Variants in ZMAT3 observed in about 807,000 individuals in gnomAD.
The protein encoded by ZMAT3 is zinc finger matrin-type 3.
In ZMAT3, 17 loss-of-function variants were observed where a neutral mutation model predicts 32.3. The observed-to-expected ratio is 0.53, with a 90% CI of 0.36 to 0.79. The LOEUF (loss-of-function observed/expected upper bound fraction) is 0.79, where lower values mean the gene tolerates loss of function less well. Ranked by LOEUF, ZMAT3 falls within the 30% of genes least tolerant of loss-of-function variation. ZMAT3 has a pLI of 0.00. For missense variants in ZMAT3, 329 were observed against 359.7 expected, an observed-to-expected ratio of 0.91 and a Z score of 0.69; for synonymous variants, 120 against 133.1, an observed-to-expected ratio of 0.90 and a Z score of 0.68.
At chr3:179,052,559 AG>A (rs1720624887) in intron 2 of ZMAT3, among the ~76,000 whole-genome samples, 1 of 152,258 alleles carries the variant, frequency 6.6e-6, no homozygotes, top group African/African-American at 2.4e-5. Flanking sequence ...AATGTAAAAT[AG>A]TACAACCACC....
chr3:179,038,407 C>G (rs1272812592), intron 2 of ZMAT3, among the ~76,000 whole-genome samples: 1 of 151,964 alleles, frequency 6.6e-6, no homozygotes, highest in African/African-American at 2.4e-5. Context: ...ATGACAAAAC[C>G]CCATCTCTAA....
chr3:179,029,185 C>A (rs887399919), intron 3 of ZMAT3, among the ~76,000 whole-genome samples: 1 of 151,504 alleles, frequency 6.6e-6, no homozygotes, highest in Non-Finnish European at 1.5e-5. Flanking sequence ...GAAAGAAATT[C>A]TTGCTCCACC....
At chr3:179,039,797 G>A (rs1719815434) in intron 2 of ZMAT3, among the ~76,000 whole-genome samples, 1 of 152,172 alleles carries the variant, frequency 6.6e-6, no homozygotes, top group African/African-American at 2.4e-5. Context: ...AAAGGAGCAT[G>A]TTCGAACCCA....
chr3:179,051,164 G>A (rs1408009553), intron 2 of ZMAT3, among the ~76,000 whole-genome samples: 2 of 152,050 alleles, frequency 1.3e-5, no homozygotes, highest in Non-Finnish European at 2.9e-5. Context: ...AAGAAATAAA[G>A]GGCATCCAAA....
chr3:179,018,950 T>C lies in ZMAT3; in HGVS notation c.*6067A>G, dbSNP rs375470301. 6.6e-6 allele frequency: 1 copy of C among 152,142 alleles called. No individual in the cohort carries two copies. Among genetic ancestry groups the C allele is most frequent in the Non-Finnish European group, 1.5e-5 (1 of 68,014 alleles). The allele number at this position is 152,142 out of a possible 1,614,324, so 9.4% of individuals were successfully genotyped here. ...CTAATTATATAGGGGTTTGACCCTTTACTCCCCTCTACCTTCTGGTAGAGC... is the reference window on the plus strand; with the variant it reads ...CTAATTATATAGGGGTTTGACCCTTCACTCCCCTCTACCTTCTGGTAGAGC... On this transcript the variant is annotated 3_prime_UTR_variant, in exon 6 of 6. Coordinates refer to ENST00000311417, the MANE Select transcript of ZMAT3 (RefSeq NM_022470.4).
chr3:179,029,770 T>G (rs1433993391), intron 3 of ZMAT3, among the ~76,000 whole-genome samples: 2 of 152,236 alleles, frequency 1.3e-5, no homozygotes, highest in Non-Finnish European at 2.9e-5. Context: ...TTTTAAGTTT[T>G]TAATGTTTTG....
intron 1 of ZMAT3, among the ~76,000 whole-genome samples, chr3:179,070,143 G>A (rs1243578537): frequency 6.6e-6 from 1 of 152,068 alleles, no homozygotes; most frequent in Non-Finnish European, 1.5e-5. Flanking sequence ...TCTGGATAAA[G>A]GAAATCAGCA....
rs1718350997 is a variant in ZMAT3 at position 179,017,853 on chromosome 3, A to G, written c.*7164T>C. ...GAAGCAACTTATTGTCCCAGCAGAT[A>G]TATGGAATGCTTTAAAGCAGGATCT... On this transcript the variant is annotated 3_prime_UTR_variant, in exon 6 of 6. Transcript: ENST00000311417. 1 of 152,190 alleles carries G rather than the reference A, an allele frequency of 6.6e-6. No homozygotes were observed. Among genetic ancestry groups the G allele is most frequent in the Admixed American group, 6.6e-5 (1 of 15,266 alleles). The allele number at this position is 152,190 out of a possible 1,614,324, so 9.4% of individuals were successfully genotyped here. A position where few individuals can be genotyped will look rare whatever the true frequency, so the allele number is the denominator to read the frequency against.
At chr3:179,054,199 G>C (rs902358779) in intron 2 of ZMAT3, among the ~76,000 whole-genome samples, 1 of 152,166 alleles carries the variant, frequency 6.6e-6, no homozygotes, top group Non-Finnish European at 1.5e-5. Flanking sequence ...TGCACCTTGG[G>C]ACCACTCAAC....
chr3:179,062,583 A>C (rs1466232408), intron 2 of ZMAT3, among the ~76,000 whole-genome samples: 2 of 152,248 alleles, frequency 1.3e-5, no homozygotes, highest in Non-Finnish European at 2.9e-5. Context: ...AAGTGATCAA[A>C]GCAAGAGCTA....
chr3:179,064,119 T>G (rs760723117), intron 2 of ZMAT3, among the ~76,000 whole-genome samples: 1 of 152,210 alleles, frequency 6.6e-6, no homozygotes, highest in Non-Finnish European at 1.5e-5. Flanking sequence ...CCGAGGCAAT[T>G]TGAAACTCCA....
intron 2 of ZMAT3, among the ~76,000 whole-genome samples, chr3:179,066,515 T>G (rs1576881275): frequency 1.3e-5 from 2 of 152,144 alleles, no homozygotes; most frequent in East Asian, 3.8e-4. Flanking sequence ...TGGAGAAAGT[T>G]ATAGTGCACA....
chr3:179,067,233 C>T (rs1378131354), intron 2 of ZMAT3, among the ~76,000 whole-genome samples: 1 of 152,158 alleles, frequency 6.6e-6, no homozygotes, highest in Non-Finnish European at 1.5e-5. Context: ...TTTACATTTG[C>T]CTACAAAGAC....
At chr3:179,031,140 T>C in intron 2 of ZMAT3, 141 bp from the exon 3 acceptor site, 4 of 652,288 alleles carry the variant, frequency 6.1e-6, no homozygotes, top group Non-Finnish European at 9.3e-6. Context: ...TCCATGACAG[T>C]ATATTTTTAT....
intron 2 of ZMAT3, among the ~76,000 whole-genome samples, chr3:179,055,750 G>C (rs1720808617): frequency 6.6e-6 from 1 of 152,150 alleles, no homozygotes; most frequent in Non-Finnish European, 1.5e-5. Flanking sequence ...ACAATCCTTT[G>C]ATCTGACATG....
chr3:179,034,024 CAT>C (rs1213711430), intron 2 of ZMAT3, among the ~76,000 whole-genome samples: 1 of 152,194 alleles, frequency 6.6e-6, no homozygotes, highest in Non-Finnish European at 1.5e-5. Context: ...TTATTAGTCA[CAT>C]GATTATATTC....
intron 1 of ZMAT3, among the ~76,000 whole-genome samples, chr3:179,068,884 T>C (rs1721562630): frequency 6.6e-6 from 1 of 152,186 alleles, no homozygotes. Flanking sequence ...AAAAGGATGA[T>C]CTGGCATCAC....
intron 1 of ZMAT3, among the ~76,000 whole-genome samples, chr3:179,068,865 T>C (rs919837756): frequency 3.9e-5 from 6 of 152,210 alleles, no homozygotes; most frequent in Admixed American, 1.3e-4. Flanking sequence ...GATTCATGGC[T>C]TCTCTTGAAA....
At chr3:179,025,316 A>C in intron 5 of ZMAT3, 88 bp from the exon 6 acceptor site, 1 of 1,102,092 alleles carries the variant, frequency 9.1e-7, no homozygotes, top group South Asian at 1.5e-5. Flanking sequence ...TGTAATTCTA[A>C]GTTCAAATTA....
Sources: allele counts gnomAD v4.1 joint callset (sites outside exome capture counted in the v4.1 genomes callset), GRCh38; gene constraint gnomAD v4.1.1; transcripts MANE v1.5; gene names NCBI Gene and HGNC (gene_info 2026-07-23, HGNC 2026-07-21).